Variants in SLC35E2B observed in about 807,000 individuals in gnomAD.
The protein encoded by SLC35E2B is solute carrier family 35 member E2B, also known as solute carrier family 35, member E2B.
In SLC35E2B, 18 loss-of-function variants were observed where a neutral mutation model predicts 32.4. That is an observed-to-expected ratio of 0.56 (90% CI 0.38 to 0.82). The LOEUF is 0.82. SLC35E2B is among the 40% of genes least tolerant of loss of function. The pLI is 0.00. For missense variants in SLC35E2B, 263 were observed against 469.5 expected (o/e 0.56, Z 4.06); for synonymous variants, 132 against 209.1 (o/e 0.63, Z 3.18).
chr1:1,670,005 G>A (rs1455589824), intron 7 of SLC35E2B, 93 bp downstream of exon 7: 5 of 1,175,380 alleles, frequency 4.3e-6, no homozygotes, highest in Middle Eastern at 3.8e-4. Flanking sequence ...GACAGGAAGG[G>A]AGTCAGGCCT....
intron 8 of SLC35E2B, 70 bp from the exon 9 acceptor site, chr1:1,668,542 C>T (rs72634822): frequency 0.21 from 343,318 of 1,608,756 alleles, 20,070 homozygotes; most frequent in Non-Finnish European, 0.24. Context: ...CCAAAAACGC[C>T]CAGCGCCACT....
At chr1:1,675,277 C>G (rs1643813363) in intron 5 of SLC35E2B, among the ~76,000 whole-genome samples, 186 bp downstream of exon 5, 1 of 150,460 alleles carries the variant, frequency 6.6e-6, no homozygotes, top group Admixed American at 6.6e-5. Context: ...GAATACCTGG[C>G]AGACGCCAGG....
intron 6 of SLC35E2B, 102 bp downstream of exon 6, chr1:1,671,407 G>C: frequency 8.0e-6 from 10 of 1,256,514 alleles, no homozygotes; most frequent in Non-Finnish European, 1.0e-5. Context: ...CACCTGCTTT[G>C]GCTCACGGGA....
At chr1:1,670,949 T>C in intron 6 of SLC35E2B, 1 of 152,310 alleles carries the variant, frequency 6.6e-6, no homozygotes, top group Non-Finnish European at 1.5e-5. Flanking sequence ...TGGGTGAATC[T>C]GAACGGCCCC....
rs565112894 is a variant in SLC35E2B, at chr1:1,685,373, A to G, written c.-148+5603T>C. ...AGCCTGCAGTGACCGTGATCTCACC[A>G]CTGCACTCCAGCCTGGGCGACACAG... is the stretch of plus-strand genomic sequence containing the variant. On this transcript the variant is annotated intron_variant, in intron 2 of 9. Coordinates refer to ENST00000617444, the MANE Select transcript of SLC35E2B (RefSeq NM_001290264.2). Among the ~76,000 whole-genome samples the G allele has an allele frequency of 2.7e-5, 4 of 147,378 alleles. No homozygotes were observed. In the East Asian group the frequency reaches 8.0e-4, roughly 30 times the overall value.
chr1:1,665,912 C>G lies in SLC35E2B; in HGVS notation c.1088G>C (p.Gly363Ala). The stretch of plus-strand genomic sequence containing the variant: ...CCTGGCTTTGTTGTAGAGCAGGACC[C>G]CAACGGTCACCAGGGCTGTGCCAAC... ...SAVGTALVTV[G>A]VLLYNKARQH... Residue 363 changes from glycine (G) to alanine (A), a missense_variant, in exon 10 of 10, where the codon GGG becomes GCG. Around this residue, in one of 7 missense-constraint regions of SLC35E2B, gnomAD observed 78 missense variants for 71.1 expected, o/e 1.10. Transcript: ENST00000617444. The G allele has an allele frequency of 6.4e-7, 1 of 1,551,364 alleles. No individual in the cohort carries two copies. The highest frequency in any genetic ancestry group is 8.7e-7 in the Non-Finnish European group (1 of 1,146,984).
chr1:1,671,240 T>A (rs1317251501), intron 6 of SLC35E2B: 3 of 287,802 alleles, frequency 1.0e-5, no homozygotes, highest in Non-Finnish European at 1.3e-5. Context: ...CTGCTGAGCG[T>A]ATCTGCGTAT....
At chr1:1,674,359 G>GC (rs1398359583) in intron 5 of SLC35E2B, 5 of 152,334 alleles carry the variant, frequency 3.3e-5, no homozygotes, top group African/African-American at 1.2e-4. Context: ...TAAGCTCACA[G>GC]CCAAGGCTGT....
At chr1:1,670,062 T>A in intron 7 of SLC35E2B, 36 bp downstream of exon 7, 1 of 1,518,368 alleles carries the variant, frequency 6.6e-7, no homozygotes. Flanking sequence ...CTCTTCGTCT[T>A]ATGACTTGGA....
chr1:1,663,487 T>C lies in SLC35E2B; in HGVS notation c.*2295A>G, dbSNP rs1643460457. The C allele has an allele frequency of 2.2e-6, 2 of 916,604 alleles. No individual in the cohort carries two copies. Among genetic ancestry groups the C allele is most frequent in the Non-Finnish European group, 2.6e-6 (2 of 767,180 alleles). The allele number at this position is 916,604 out of a possible 1,614,324, so 56.8% of individuals were successfully genotyped here. A position where few individuals can be genotyped will look rare whatever the true frequency, so the allele number is the denominator to read the frequency against. On this transcript the variant is annotated 3_prime_UTR_variant, in exon 10 of 10. Transcript: ENST00000617444. ...GGGCATTTTCTAATAGTGTTTGTTT[T>C]TGAGACGGAATCTTGCCCTGTTGCC... is the stretch of plus-strand genomic sequence containing the variant.
intron 2 of SLC35E2B, among the ~76,000 whole-genome samples, chr1:1,682,896 G>A (rs2101113582): frequency 6.6e-6 from 1 of 152,154 alleles, no homozygotes; most frequent in South Asian, 2.1e-4. Context: ...GGCCAACAAG[G>A]TGAAACCCCG....
intron 6 of SLC35E2B, 28 bp from the exon 7 acceptor site, chr1:1,670,179 C>CA: frequency 6.7e-7 from 1 of 1,500,888 alleles, no homozygotes; most frequent in Middle Eastern, 1.7e-4. Context: ...GGTTATGCAT[C>CA]AATACTAGTC....
intron 9 of SLC35E2B, 138 bp from the exon 10 acceptor site, chr1:1,666,157 G>A (rs1247147413): frequency 5.6e-6 from 6 of 1,073,764 alleles, no homozygotes; most frequent in African/African-American, 1.6e-5. Context: ...CAGCCCTGCG[G>A]CCAGCAGCTC....
chr1:1,670,262 G>C, intron 6 of SLC35E2B, 111 bp from the exon 7 acceptor site: 1 of 761,654 alleles, frequency 1.3e-6, no homozygotes, highest in South Asian at 1.6e-5. Context: ...CCAGACCTCA[G>C]TGGTGCCCGC....
Position 1,682,156 on chromosome 1 carries a change from G to A in SLC35E2B, c.-147-5310C>T, listed in dbSNP as rs552195984. On this transcript the variant is annotated intron_variant, in intron 2 of 9. Coordinates refer to ENST00000617444, the MANE Select transcript of SLC35E2B (RefSeq NM_001290264.2). ...ATTACAGGCATGAGTGACCGTGCCC[G>A]GCTGGGTGCAACCTTTCAGAGGTCA... Among the ~76,000 whole-genome samples the A allele has an allele frequency of 5.9e-5, 9 of 151,964 alleles. No homozygotes were observed. The South Asian group carries it at 1.5e-3, about 25-fold the overall frequency.
intron 6 of SLC35E2B, chr1:1,671,294 A>T: frequency 2.4e-6 from 1 of 420,476 alleles, no homozygotes; most frequent in Non-Finnish European, 4.1e-6. Flanking sequence ...TTAGCATTTT[A>T]AGTACCAAGA....
At chr1:1,679,593 A>G (rs192962492) in intron 2 of SLC35E2B, among the ~76,000 whole-genome samples, 1,661 of 147,126 alleles carry the variant, frequency 0.011, 30 homozygotes, top group African/African-American at 0.032. Context: ...TTGGGAGGCC[A>G]AGGTGGGCGG....
Position 1,679,952 on chromosome 1 carries a change from G to C in SLC35E2B, c.-147-3106C>G, listed in dbSNP as rs559932139. On this transcript the variant is annotated intron_variant, in intron 2 of 9. Transcript: ENST00000617444. ...TCAAGACCAGCCTGACCAACGTGGA[G>C]AAACCCCGTCTCTACTAAAAATACA... Among the ~76,000 whole-genome samples the C allele has an allele frequency of 5.9e-5, 9 of 151,276 alleles. No homozygotes were observed. The East Asian group carries it at 1.5e-3, about 26-fold the overall frequency.
chr1:1,680,997 G>A (rs946474019), intron 2 of SLC35E2B, among the ~76,000 whole-genome samples: 2 of 150,334 alleles, frequency 1.3e-5, no homozygotes, highest in Admixed American at 6.7e-5. Flanking sequence ...GGAGCTCCAC[G>A]TCAGACCAGT....
Sources: allele counts gnomAD v4.1 joint callset (sites outside exome capture counted in the v4.1 genomes callset), GRCh38; gene constraint gnomAD v4.1.1; regional missense constraint gnomAD v4.1.1; transcripts MANE v1.5; gene names NCBI Gene and HGNC (gene_info 2026-07-23, HGNC 2026-07-21).